The following GPHN variants were observed in gnomAD, a reference collection of about 807,000 sequenced individuals.
GPHN encodes the protein gephyrin.
A neutral mutation model predicts 95.5 loss-of-function variants in GPHN; 17 were observed. The ratio of observed to expected loss-of-function variants is 0.18; its 90% CI spans 0.12 to 0.27. The LOEUF (loss-of-function observed/expected upper bound fraction) is 0.27. GPHN is among the 10% of genes least tolerant of loss of function. The pLI, the probability that GPHN is intolerant of heterozygous loss-of-function variation, is 1.00. For synonymous variants in GPHN, 320 were observed against 322.5 expected, an observed-to-expected ratio of 0.99 and a Z score of 0.08; for missense variants, 660 against 978.1, an observed-to-expected ratio of 0.67 and a Z score of 4.34.
At chr14:67,478,357 A>G in the GPHN span, among the ~76,000 whole-genome samples, 1 of 152,004 alleles carries the variant, frequency 6.6e-6, no homozygotes, top group Non-Finnish European at 1.5e-5. Flanking sequence ...CCACCTCTTA[A>G]ATATCTTTGG....
chr14:67,120,082 C>T (rs1476686689), intron 16 of GPHN, among the ~76,000 whole-genome samples: 3 of 149,646 alleles, frequency 2.0e-5, no homozygotes, highest in Non-Finnish European at 4.4e-5. Flanking sequence ...GCTGAGATTG[C>T]GCCACTGCAT....
the GPHN span, among the ~76,000 whole-genome samples, chr14:67,508,873 A>C: frequency 6.6e-6 from 1 of 152,130 alleles, no homozygotes; most frequent in Admixed American, 6.6e-5. Flanking sequence ...ATTTTCTCAG[A>C]AGAACAGAAT....
intron 8 of GPHN, among the ~76,000 whole-genome samples, chr14:66,961,540 T>C (rs1447604550): frequency 6.6e-6 from 1 of 151,164 alleles, no homozygotes; most frequent in Non-Finnish European, 1.5e-5. Flanking sequence ...TTATCCAGAA[T>C]AAATACTAAA....
chr14:67,580,751 CTGTT>C, the GPHN span: 1 of 570,008 alleles, frequency 1.8e-6, no homozygotes, highest in African/African-American at 1.9e-5. Flanking sequence ...AGGGTTCCCT[CTGTT>C]TGTGAGGGAG....
At chr14:66,883,483 T>G (rs1179821386) in intron 5 of GPHN, among the ~76,000 whole-genome samples, 1 of 152,070 alleles carries the variant, frequency 6.6e-6, no homozygotes, top group Non-Finnish European at 1.5e-5. Context: ...TTCGGACAAT[T>G]TCAATATCTG....
chr14:66,758,554 AC>A (rs1213097403), intron 2 of GPHN, among the ~76,000 whole-genome samples: 1 of 152,068 alleles, frequency 6.6e-6, no homozygotes, highest in African/African-American at 2.4e-5. Context: ...GAAGAGAGAA[AC>A]TGGGTTATTA....
chr14:67,040,607 G>A (rs2074651716), intron 10 of GPHN, among the ~76,000 whole-genome samples: 1 of 152,064 alleles, frequency 6.6e-6, no homozygotes, highest in Non-Finnish European at 1.5e-5. Context: ...TAGTTATCCT[G>A]TCTCTGTAGA....
At chr14:67,600,218 G>C in the GPHN span, 1 of 1,557,102 alleles carries the variant, frequency 6.4e-7, no homozygotes, top group Non-Finnish European at 8.7e-7. Flanking sequence ...CCCCCACTCG[G>C]CCGCCCGCAC....
At chr14:67,422,877 G>C in the GPHN span, among the ~76,000 whole-genome samples, 1 of 148,690 alleles carries the variant, frequency 6.7e-6, no homozygotes, top group African/African-American at 2.5e-5. Flanking sequence ...TGTTGCCCAG[G>C]CTGGAGTACA....
intron 2 of GPHN, among the ~76,000 whole-genome samples, chr14:66,771,311 G>A (rs536733597): frequency 3.3e-5 from 5 of 152,020 alleles, no homozygotes; most frequent in Admixed American, 1.3e-4. Flanking sequence ...GTAATCAATC[G>A]AATACTCTAT....
At chr14:66,545,705 T>C in intron 1 of GPHN, among the ~76,000 whole-genome samples, 2 of 135,604 alleles carry the variant, frequency 1.5e-5, no homozygotes, top group African/African-American at 5.9e-5. Context: ...GCCCCTCACC[T>C]CCCGGACGGG....
the GPHN span, among the ~76,000 whole-genome samples, chr14:67,213,417 T>A: frequency 6.9e-6 from 1 of 145,068 alleles, no homozygotes; most frequent in Non-Finnish European, 1.5e-5. Context: ...ATGCGGTGTT[T>A]GGTTTTTTGT....
the GPHN span, chr14:67,685,047 T>C: frequency 6.2e-7 from 1 of 1,612,402 alleles, no homozygotes; most frequent in Non-Finnish European, 8.5e-7. Context: ...TCTCAAGACC[T>C]TCTGTTAAGG....
At chr14:67,167,309 A>G (rs2082336489) in intron 20 of GPHN, among the ~76,000 whole-genome samples, 1 of 152,232 alleles carries the variant, frequency 6.6e-6, no homozygotes, top group Non-Finnish European at 1.5e-5. Flanking sequence ...GTAATGTTAT[A>G]AAGTGGTAGT....
At chr14:67,345,190 T>G in the GPHN span, among the ~76,000 whole-genome samples, 8 of 150,670 alleles carry the variant, frequency 5.3e-5, no homozygotes, top group Admixed American at 4.6e-4. Flanking sequence ...TGCAGTGAGC[T>G]GGGATTATGC....
At chr14:66,874,682 A>G (rs1379497694) in intron 4 of GPHN, among the ~76,000 whole-genome samples, 1 of 152,224 alleles carries the variant, frequency 6.6e-6, no homozygotes, top group Non-Finnish European at 1.5e-5. Flanking sequence ...AATTAATGAA[A>G]TAAAGCATGA....
At chr14:67,582,128 C>G in the GPHN span, 8 of 1,613,600 alleles carry the variant, frequency 5.0e-6, no homozygotes, top group African/African-American at 8.0e-5. This position sits in a 1 kb window ranked among gnomAD's most constrained non-coding sequence, Gnocchi z 5.0. Flanking sequence ...CTCCTTGCCT[C>G]TCAAACCAGT....
chr14:66,831,984 A>G (rs916655988), intron 4 of GPHN, among the ~76,000 whole-genome samples: 2 of 151,968 alleles, frequency 1.3e-5, no homozygotes, highest in Non-Finnish European at 2.9e-5. Context: ...CATGTCTACT[A>G]AAATACAAAA....
chr14:67,119,983 A>T (rs1033635076), intron 16 of GPHN, among the ~76,000 whole-genome samples: 1 of 152,148 alleles, frequency 6.6e-6, no homozygotes, highest in Non-Finnish European at 1.5e-5. Context: ...TGCAAACATT[A>T]GCCAGGCATG....
Sources: gnomAD v4.1 joint callset for allele counts (sites outside exome capture counted in the v4.1 genomes callset) on GRCh38, gnomAD v4.1.1 for gene constraint, Gnocchi (gnomAD v3.1) non-coding constraint, MANE v1.5 for transcripts, NCBI Gene and HGNC (gene_info 2026-07-23, HGNC 2026-07-21) for gene names.